ROBO4: variants seen among roughly 807,000 people sequenced by gnomAD.
ROBO4 encodes the protein roundabout homolog 4.
Under a neutral mutation model 103.3 loss-of-function variants are expected in ROBO4, and 80 were observed. The observed-to-expected ratio is 0.77, with a 90% CI of 0.65 to 0.93. The LOEUF is 0.93. Among genes scored for constraint, ROBO4 ranks in the 40% least tolerant of loss-of-function variants. ROBO4 has a pLI of 0.00. For synonymous variants in ROBO4, 504 were observed against 529.7 expected, an observed-to-expected ratio of 0.95 and a Z score of 0.67; for missense variants, 1,333 against 1,305.3, an observed-to-expected ratio of 1.02 and a Z score of -0.33.
intron 6 of ROBO4, 95 bp downstream of exon 6, chr11:124,895,362 C>T (rs1591536502): frequency 3.1e-6 from 4 of 1,287,472 alleles, no homozygotes; most frequent in Non-Finnish European, 2.2e-6. Flanking sequence ...GACCCATAAT[C>T]TCCCCTCAAG....
At chr11:124,896,139 A>C in intron 4 of ROBO4, 59 bp downstream of exon 4, 1 of 1,597,770 alleles carries the variant, frequency 6.3e-7, no homozygotes, top group Non-Finnish European at 8.5e-7. Context: ...AAACCAGAAT[A>C]CACCACCCCA....
Position 124,886,495 on chromosome 11 carries a change from T to C in ROBO4, c.2763A>G (p.Leu921=). 1 of 1,614,170 alleles carries C rather than the reference T, an allele frequency of 6.2e-7. No homozygotes were observed. Residue 921 remains leucine (L), a synonymous_variant, in exon 16 of 18, where the codon CTA becomes CTG. Transcript: ENST00000306534. ...AVAVDSFGFG[L]EPREADCVFI... ...AGACGCAGTCTGCCTCCCTGGGCTC[T>C]AGACCGAAACCAAAGCTATCCACAG...
rs538852918 is a variant in ROBO4 at position 124,887,977 on chromosome 11, C to T, written c.1949-137G>A. 1.8e-4 allele frequency: 117 copies of T among 656,184 alleles called. 1 individual carries two copies. The South Asian group carries it at 1.8e-3, about 10-fold the overall frequency. 40.6% of individuals were successfully genotyped at this position (656,184 alleles called of 1,614,324 possible). A position where few individuals can be genotyped will look rare whatever the true frequency, so the allele number is the denominator to read the frequency against. ...GAAAAGAGGGGGAACCCCCTGAATCCCCTCCACACCCCCATCTTCATCCAG... is the reference window on the plus strand; with the variant it reads ...GAAAAGAGGGGGAACCCCCTGAATCTCCTCCACACCCCCATCTTCATCCAG... On this transcript the variant is annotated intron_variant, in intron 12 of 17. Coordinates refer to ENST00000306534, the MANE Select transcript of ROBO4 (RefSeq NM_019055.6).
chr11:124,884,328 G>A lies in ROBO4; in HGVS notation c.*563C>T, dbSNP rs182624160. 3.3e-4 allele frequency: 52 copies of A among 156,522 alleles called. 1 individual carries two copies. The East Asian group carries it at 7.2e-3, about 22-fold the overall frequency. The allele number at this position is 156,522 out of a possible 1,614,324, so 9.7% of individuals were successfully genotyped here. ...ATACCTCCCTTCCTTCAGCATCCTC[G>A]CTAGACCCAGCCTTGAACCCTTTGT... On this transcript the variant is annotated 3_prime_UTR_variant, in exon 18 of 18. Transcript: ENST00000306534.
In ROBO4 at chr11:124,891,493, AGG is replaced by A; in HGVS notation, c.1752_1753del (p.Leu585HisfsTer3). 1 of 1,613,904 alleles carries A rather than the reference AGG, an allele frequency of 6.2e-7. No homozygotes were observed. Among genetic ancestry groups the A allele is most frequent in the Non-Finnish European group, 8.5e-7 (1 of 1,179,882 alleles). ...GGTACTGGAGGGCAGCTCAGCGATG[AGG>A]GAGCCATAAAAAGTGCTGGTGTCTG... On this transcript the variant is annotated frameshift_variant, in exon 12 of 18. Coordinates refer to ENST00000306534, the MANE Select transcript of ROBO4 (RefSeq NM_019055.6). LOFTEE classifies it high-confidence loss of function.
In ROBO4 at chr11:124,891,371, T is replaced by C; in HGVS notation, c.1876A>G (p.Ser626Gly). 3.2e-6 allele frequency: 5 copies of C among 1,553,134 alleles called. No individual in the cohort carries two copies. The highest frequency in any genetic ancestry group is 4.3e-6 in the Non-Finnish European group (5 of 1,150,298). Reference protein sequence around the residue: ...SPCSSSDSLCSRRGLSSPRLS... With the variant: ...SPCSSSDSLCGRRGLSSPRLS... ...CGGGGAGAAGAGAGTCCCCTGCGGC[T>C]GCAGAGGCTGTCTGAGCTGGAACAG... The change falls in exon 12 of 18, where the codon AGC becomes GGC. Residue 626 changes from serine (S) to glycine (G), a missense_variant. Transcript: ENST00000306534.
intron 6 of ROBO4, 68 bp downstream of exon 6, chr11:124,895,389 C>T: frequency 6.8e-7 from 1 of 1,471,162 alleles, no homozygotes; most frequent in Non-Finnish European, 9.3e-7. Flanking sequence ...GCAGAACAGT[C>T]CAGGGGCCCC....
intron 12 of ROBO4, among the ~76,000 whole-genome samples, chr11:124,890,604 T>G (rs551663726): frequency 5.3e-5 from 8 of 152,292 alleles, no homozygotes; most frequent in Admixed American, 3.9e-4. Context: ...GTCTGTAAAA[T>G]TAGAGAAATA....
chr11:124,887,532 G>A (rs956274665), intron 13 of ROBO4, 33 bp from the exon 14 acceptor site: 1 of 1,612,264 alleles, frequency 6.2e-7, no homozygotes, highest in Non-Finnish European at 8.5e-7. Context: ...TGAGAACAGT[G>A]GCATCCCCAT....
chr11:124,895,064 A>G lies in ROBO4; in HGVS notation c.1149+17T>C. Reference sequence around the variant, plus strand: ...CCTGGCAGCAGTAGGAAGGGCTATGACAGCTAGTGGGGGTACCTGGTAGCC... The same window carrying G: ...CCTGGCAGCAGTAGGAAGGGCTATGGCAGCTAGTGGGGGTACCTGGTAGCC... On this transcript the variant is annotated intron_variant, in intron 7 of 17. Coordinates refer to ENST00000306534, the MANE Select transcript of ROBO4 (RefSeq NM_019055.6). The G allele has an allele frequency of 1.3e-6, 2 of 1,565,620 alleles. No individual in the cohort carries two copies. The highest frequency in any genetic ancestry group is 1.8e-6 in the Non-Finnish European group (2 of 1,135,788).
At chr11:124,886,260 T>C in intron 16 of ROBO4, 1 of 501,306 alleles carries the variant, frequency 2.0e-6, no homozygotes, top group Non-Finnish European at 3.5e-6. Flanking sequence ...ATTATCTGAC[T>C]TACAGTTTCC....
At chr11:124,891,829 G>A (rs1946804662) in intron 10 of ROBO4, 27 bp from the exon 11 acceptor site, 2 of 1,612,814 alleles carry the variant, frequency 1.2e-6, no homozygotes, top group African/African-American at 2.7e-5. Context: ...AGGGGGTGAG[G>A]CCAGGAGAAA....
At chr11:124,894,866 T>A (rs1056474426) in intron 7 of ROBO4, among the ~76,000 whole-genome samples, 2 of 152,324 alleles carry the variant, frequency 1.3e-5, no homozygotes, top group Middle Eastern at 3.4e-3. Context: ...TTGGGGATAA[T>A]ACCCCAGGGT....
intron 2 of ROBO4, 25 bp downstream of exon 2, chr11:124,896,907 C>A (rs1374694228): frequency 2.5e-6 from 4 of 1,602,282 alleles, no homozygotes; most frequent in Non-Finnish European, 3.4e-6. Context: ...TTGCCCCACC[C>A]TGAAGCTCCC....
At chr11:124,897,383 A>G (rs1303939322) in intron 1 of ROBO4, 122 bp from the exon 2 acceptor site, 18 of 777,298 alleles carry the variant, frequency 2.3e-5, no homozygotes, top group Non-Finnish European at 3.3e-5. Context: ...CTGAACTACT[A>G]AAGGTTGCCT....
Position 124,887,078 on chromosome 11 carries a change from G to A in ROBO4, c.2334C>T (p.Ser778=). Residue 778 remains serine (S), a synonymous_variant, in exon 15 of 18, where the codon TCC becomes TCT. Transcript: ENST00000306534. ...SGPSPASSRL[S]SSSLSSLGED... ...CCCCCAGGGATGACAGTGAGGAGCTGGACAGGCGACTGGAAGCTGGGCTGG... is the reference window on the plus strand; with the variant it reads ...CCCCCAGGGATGACAGTGAGGAGCTAGACAGGCGACTGGAAGCTGGGCTGG... 6.2e-7 allele frequency: 1 copy of A among 1,613,838 alleles called. No homozygotes were observed.
At chr11:124,896,783 G>T in intron 2 of ROBO4, 113 bp from the exon 3 acceptor site, 1 of 1,511,766 alleles carries the variant, frequency 6.6e-7, no homozygotes, top group Admixed American at 2.0e-5. Flanking sequence ...TTTAGGGCCA[G>T]CCCCGCCCCA....
intron 10 of ROBO4, 84 bp from the exon 11 acceptor site, chr11:124,891,886 C>A (rs1946805634): frequency 6.7e-7 from 1 of 1,492,500 alleles, no homozygotes; most frequent in Non-Finnish European, 9.2e-7. Flanking sequence ...TGTTCAGAGG[C>A]AGCAGAAGAG....
chr11:124,894,011 A>C lies in ROBO4; in HGVS notation c.1353T>G (p.Ser451Arg), dbSNP rs371186405. 7.7e-6 allele frequency: 12 copies of C among 1,563,326 alleles called. No individual in the cohort carries two copies. The African/African-American group carries it at 1.6e-4, about 21-fold the overall frequency. Residue 451 changes from serine (S) to arginine (R), a missense_variant, in exon 9 of 18, where the codon AGT (serine) becomes AGG (arginine). By Grantham distance (110) the Ser-to-Arg change is moderately radical. Coordinates refer to ENST00000306534, the MANE Select transcript of ROBO4 (RefSeq NM_019055.6). ...GCTCCAGGGTCCAGGGACCATGCTCACTGGGTTCTTGGGTGGCTCGCTCCA... is the reference window on the plus strand; with the variant it reads ...GCTCCAGGGTCCAGGGACCATGCTCCCTGGGTTCTTGGGTGGCTCGCTCCA... Reference protein sequence around the residue: ...QAMERATQEPSEHGPWTLEQL... With the variant: ...QAMERATQEPREHGPWTLEQL...
Sources: allele counts gnomAD v4.1 joint callset (sites outside exome capture counted in the v4.1 genomes callset), GRCh38; gene constraint gnomAD v4.1.1; transcripts MANE v1.5; gene names NCBI Gene and HGNC (gene_info 2026-07-23, HGNC 2026-07-21).